NUDT8: variants seen among roughly 807,000 people sequenced by gnomAD.
NUDT8 encodes the protein mitochondrial coenzyme A diphosphatase NUDT8.
In NUDT8, 14 loss-of-function variants were observed where a neutral mutation model predicts 12.5. The ratio of observed to expected loss-of-function variants is 1.12; its 90% CI spans 0.74 to 1.75. The LOEUF (loss-of-function observed/expected upper bound fraction) is 1.75. Among genes scored for constraint, NUDT8 ranks in the 40% most tolerant of loss-of-function variants. NUDT8 has a pLI of 0.00. For synonymous variants in NUDT8, 163 were observed against 156.2 expected, an observed-to-expected ratio of 1.04 and a Z score of -0.33; for missense variants, 337 against 318.5, an observed-to-expected ratio of 1.06 and a Z score of -0.44.
intron 1 of NUDT8, 89 bp downstream of exon 1, chr11:67,629,629 G>A (rs1362429445): frequency 4.4e-6 from 3 of 681,472 alleles, no homozygotes; most frequent in Non-Finnish European, 4.4e-6. Context: ...ACCGAGGCTC[G>A]AAGGGGCTAA....
At position 67,628,086 on chromosome 11, in the gene NUDT8, G is replaced by A. The variant is rs768734371; in HGVS notation, c.571C>T (p.Gln191Ter). The change falls in exon 4 of 4, where the codon CAG (glutamine) becomes TAG (stop). Residue 191 changes from glutamine (Q) to a stop codon, truncating the protein, a stop_gained. Coordinates refer to ENST00000376693, the MANE Select transcript of NUDT8 (RefSeq NM_001243750.2). LOFTEE classifies it low-confidence loss of function (END_TRUNC). ...LTAVITEFALQLLAPGTYQPR... is the reference protein window; with the variant it reads ...LTAVITEFAL The stretch of plus-strand genomic sequence containing the variant: ...TGGTAGGTACCAGGTGCCAGCAGCT[G>A]CAGGGCAAACTCAGTGATGACAGCT... The A allele has an allele frequency of 3.1e-6, 5 of 1,598,484 alleles. No homozygotes were observed. The highest frequency in any genetic ancestry group is 4.2e-6 in the Non-Finnish European group (5 of 1,179,780).
At chr11:67,629,259 C>T (rs1187349674) in intron 1 of NUDT8, 1 of 551,436 alleles carries the variant, frequency 1.8e-6, no homozygotes, top group East Asian at 3.0e-5. Flanking sequence ...CCCGGGACAG[C>T]GCAGGATAAG....
rs763761783 is a variant in NUDT8, at chr11:67,628,150, G to A, written c.507C>T (p.Pro169=). Residue 169 remains proline (P), a synonymous_variant, in exon 4 of 4, where the codon CCC becomes CCT. Transcript: ENST00000376693. ...CCCGGTGTGGTCCATGCAGGAAGAC[G>A]GGTAGTGTGTAGCGGAAGTGGCCAC... ...CRGGHFRYTL[P]VFLHGPHRVW... The A allele has an allele frequency of 5.0e-6, 8 of 1,602,204 alleles. No homozygotes were observed. The highest frequency in any genetic ancestry group is 1.7e-4 in the Middle Eastern group (1 of 6,060).
chr11:67,628,901 C>T lies in NUDT8; in HGVS notation c.327+18G>A, dbSNP rs200381329. 394 of 1,594,122 alleles carry T rather than the reference C, an allele frequency of 2.5e-4. 1 individual carries two copies. In the African/African-American group the frequency reaches 5.0e-3, roughly 20 times the overall value. On this transcript the variant is annotated intron_variant, in intron 2 of 3. Transcript: ENST00000376693. ...GAGTGAGTGAATGGGGTGGGGTGGC[C>T]TCAGCCAAGTGGCTTACCGGATCAT...
chr11:67,629,809 G>T lies in NUDT8; in HGVS notation c.103C>A (p.Leu35Ile). The change falls in exon 1 of 4, where the codon CTC (leucine) becomes ATC (isoleucine). Residue 35 changes from leucine to isoleucine, a missense_variant. Coordinates refer to ENST00000376693, the MANE Select transcript of NUDT8 (RefSeq NM_001243750.2). ...LRARPASAAV[L>I]VPLCSVRGVP... ...CCACGCACTGAGCAGAGCGGCACGA[G>T]CACCGCGGCCGACGCGGGCCGCGCG... 1 of 1,433,478 alleles carries T rather than the reference G, an allele frequency of 7.0e-7. No individual in the cohort carries two copies. Among genetic ancestry groups the T allele is most frequent in the Non-Finnish European group, 9.1e-7 (1 of 1,095,120 alleles). 88.8% of individuals were successfully genotyped at this position (1,433,478 alleles called of 1,614,324 possible). A position where few individuals can be genotyped will look rare whatever the true frequency, so the allele number is the denominator to read the frequency against.
At chr11:67,628,511 A>G (rs1320490521) in intron 2 of NUDT8, 111 bp from the exon 3 acceptor site, 8 of 881,724 alleles carry the variant, frequency 9.1e-6, no homozygotes, top group Admixed American at 4.6e-5. Context: ...TTTGGTAGTC[A>G]TGTTCGGGTC....
At position 67,627,985 on chromosome 11, in the gene NUDT8, A is replaced by T. The variant is rs118032721; in HGVS notation, c.672T>A (p.Cys224Ter). Residue 224 changes from cysteine (C) to a stop codon, truncating the protein, a stop_gained, in exon 4 of 4, where the codon TGT (cysteine) becomes TGA (stop). Transcript: ENST00000376693. LOFTEE classifies it high-confidence loss of function. ...ARPKQPLASP[C>*]QASSTPGLNK... ...TCAGTCCTGGAGTGGAGCTGGCCTGACAGGGTGAAGCCAGGGGCTGCTTAG... is the reference window on the plus strand; with the variant it reads ...TCAGTCCTGGAGTGGAGCTGGCCTGTCAGGGTGAAGCCAGGGGCTGCTTAG... The T allele has an allele frequency of 3.7e-3, 5,935 of 1,596,402 alleles. 221 individuals are homozygous for T. In the East Asian group the frequency reaches 0.085, roughly 23 times the overall value.
chr11:67,629,212 G>C (rs924595467), intron 1 of NUDT8, 161 bp from the exon 2 acceptor site: 10 of 670,882 alleles, frequency 1.5e-5, no homozygotes, highest in Non-Finnish European at 9.9e-6. Flanking sequence ...CTGGAGGCCA[G>C]TTTACCTCCC....
At chr11:67,629,120 C>A (rs1044154337) in intron 1 of NUDT8, 69 bp from the exon 2 acceptor site, 19 of 1,452,852 alleles carry the variant, frequency 1.3e-5, no homozygotes, top group Non-Finnish European at 1.8e-5. Flanking sequence ...ATCGGCAGTG[C>A]GGGGGGGGCC....
At chr11:67,629,535 G>T in intron 1 of NUDT8, 183 bp downstream of exon 1, 1 of 405,218 alleles carries the variant, frequency 2.5e-6, no homozygotes, top group Non-Finnish European at 4.4e-6. Context: ...AGGTGCACCG[G>T]GGCCGACGGA....
rs1855145506 is a variant in NUDT8, at chr11:67,628,202, T to C, written c.455A>G (p.Asn152Ser). Residue 152 changes from asparagine to serine, a missense_variant, in exon 4 of 4, where the codon AAT (asparagine) becomes AGT (serine). Physicochemically the swap from Asn to Ser is conservative, Grantham distance 46. Coordinates refer to ENST00000376693, the MANE Select transcript of NUDT8 (RefSeq NM_001243750.2). ...LPLAHLLQTQ[N>S]QGYTHFCRGG... ...CCGGCAGAAGTGGGTATAGCCCTGA[T>C]TCTGCGTCTGCAGCAGGTGGGCCAG... 2 of 1,611,776 alleles carry C rather than the reference T, an allele frequency of 1.2e-6. No homozygotes were observed. Among genetic ancestry groups the C allele is most frequent in the Middle Eastern group, 1.6e-4 (1 of 6,062 alleles).
chr11:67,628,886 A>G (rs759453212), intron 2 of NUDT8, 33 bp downstream of exon 2: 1 of 1,584,578 alleles, frequency 6.3e-7, no homozygotes, highest in South Asian at 1.1e-5. Context: ...GAGTGAGTGA[A>G]TGGGGTGGGG....
chr11:67,628,233 G>A lies in NUDT8; in HGVS notation c.424C>T (p.Leu142=). The part of the protein sequence containing the change: ...NSEEVDEVFA[L]PLAHLLQTQN... Reference sequence around the variant, plus strand: ...GTCTGCAGCAGGTGGGCCAGCGGCAGTGCAAACACCTCATCTACCTGCAGG... The same window carrying A: ...GTCTGCAGCAGGTGGGCCAGCGGCAATGCAAACACCTCATCTACCTGCAGG... Residue 142 remains leucine, a synonymous_variant, in exon 4 of 4, where the codon CTG becomes TTG. Transcript: ENST00000376693. 2.5e-6 allele frequency: 4 copies of A among 1,613,098 alleles called. No individual in the cohort carries two copies. Among genetic ancestry groups the A allele is most frequent in the African/African-American group, 1.3e-5 (1 of 75,056 alleles).
At position 67,628,994 on chromosome 11, in the gene NUDT8, C is replaced by T; in HGVS notation, c.252G>A (p.Arg84=). 6.2e-7 allele frequency: 1 copy of T among 1,613,036 alleles called. No homozygotes were observed. The highest frequency in any genetic ancestry group is 8.5e-7 in the Non-Finnish European group (1 of 1,179,860). ...ADQDVVHTAL[R]ETREELGLAV... ...CCAGGCCCAGCTCCTCCCGGGTTTC[C>T]CGCAGGGCCGTGTGCACCACATCTT... The change falls in exon 2 of 4, where the codon CGG becomes CGA. Residue 84 remains arginine (R), a synonymous_variant. Coordinates refer to ENST00000376693, the MANE Select transcript of NUDT8 (RefSeq NM_001243750.2).
At chr11:67,629,649 C>A in intron 1 of NUDT8, 69 bp downstream of exon 1, 1 of 943,752 alleles carries the variant, frequency 1.1e-6, no homozygotes, top group South Asian at 2.0e-5. Flanking sequence ...AGTGCCCTGC[C>A]AGAGGTCCCT....
Position 67,628,043 on chromosome 11 carries a change from A to G in NUDT8, c.614T>C (p.Leu205Pro), listed in dbSNP as rs761301975. ...PGTYQPRLAG[L>P]TCSGAEGLAR... ...CAGACCCTCAGCCCCTGAGCAGGTCAGGCCGGCCAGGCGGGGCTGGTAGGT... is the reference window on the plus strand; with the variant it reads ...CAGACCCTCAGCCCCTGAGCAGGTCGGGCCGGCCAGGCGGGGCTGGTAGGT... Residue 205 changes from leucine to proline, a missense_variant, in exon 4 of 4, where the codon CTG becomes CCG. Physicochemically the swap from Leu to Pro is moderately conservative, Grantham distance 98. Coordinates refer to ENST00000376693, the MANE Select transcript of NUDT8 (RefSeq NM_001243750.2). The G allele has an allele frequency of 6.3e-7, 1 of 1,598,276 alleles. No homozygotes were observed. The highest frequency in any genetic ancestry group is 8.5e-7 in the Non-Finnish European group (1 of 1,179,786).
In NUDT8 at chr11:67,628,056, G is replaced by C; in HGVS notation, c.601C>G (p.Arg201Gly). The C allele has an allele frequency of 6.3e-7, 1 of 1,598,412 alleles. No homozygotes were observed. Among genetic ancestry groups the C allele is most frequent in the Non-Finnish European group, 8.5e-7 (1 of 1,179,796 alleles). ...QLLAPGTYQP[R>G]LAGLTCSGAE... Reference sequence around the variant, plus strand: ...CCTGAGCAGGTCAGGCCGGCCAGGCGGGGCTGGTAGGTACCAGGTGCCAGC... The same window carrying C: ...CCTGAGCAGGTCAGGCCGGCCAGGCCGGGCTGGTAGGTACCAGGTGCCAGC... Residue 201 changes from arginine to glycine, a missense_variant, in exon 4 of 4, where the codon CGC becomes GGC. Arg to Gly is a moderately radical substitution (Grantham distance 125). Transcript: ENST00000376693.
chr11:67,628,177 C>A lies in NUDT8; in HGVS notation c.480G>T (p.Arg160=), dbSNP rs745808278. The A allele has an allele frequency of 1.2e-6, 2 of 1,607,458 alleles. No individual in the cohort carries two copies. The highest frequency in any genetic ancestry group is 1.7e-6 in the Non-Finnish European group (2 of 1,179,816). Residue 160 remains arginine, a synonymous_variant, in exon 4 of 4, where the codon CGG becomes CGT. Transcript: ENST00000376693. ...GTAGTGTGTAGCGGAAGTGGCCACCCCGGCAGAAGTGGGTATAGCCCTGAT... is the reference window on the plus strand; with the variant it reads ...GTAGTGTGTAGCGGAAGTGGCCACCACGGCAGAAGTGGGTATAGCCCTGAT... ...TQNQGYTHFC[R]GGHFRYTLPV...
Position 67,628,931 on chromosome 11 carries a change from A to G in NUDT8, c.315T>C (p.Pro105=). 2 of 1,609,432 alleles carry G rather than the reference A, an allele frequency of 1.2e-6. No individual in the cohort carries two copies. The highest frequency in any genetic ancestry group is 1.7e-6 in the Non-Finnish European group (2 of 1,177,708). ...PEEHVWGLLR[P]VYDPQKATVV... ...CCAAGTGGCTTACCGGATCATACAC[A>G]GGCCGCAGCAGGCCCCACACGTGCT... is the stretch of plus-strand genomic sequence containing the variant. The change falls in exon 2 of 4, where the codon CCT becomes CCC. Residue 105 remains proline (P), a synonymous_variant. Transcript: ENST00000376693.
Sources: gnomAD v4.1 joint callset for allele counts on GRCh38, gnomAD v4.1.1 for gene constraint, MANE v1.5 for transcripts, NCBI Gene and HGNC (gene_info 2026-07-23, HGNC 2026-07-21) for gene names.